KPNA1: variants seen among roughly 807,000 people sequenced by gnomAD.
KPNA1 encodes karyopherin subunit alpha 1, also known as importin subunit alpha-5.
Under a neutral mutation model 70.5 loss-of-function variants are expected in KPNA1, and 10 were observed. The observed-to-expected ratio is 0.14, with a 90% CI of 0.09 to 0.24. The LOEUF is 0.24. Ranked by LOEUF, KPNA1 falls within the 10% of genes least tolerant of loss-of-function variation. The pLI is 1.00. For synonymous variants in KPNA1, 192 were observed against 221.9 expected, an observed-to-expected ratio of 0.87 and a Z score of 1.20; for missense variants, 397 against 637.9, an observed-to-expected ratio of 0.62 and a Z score of 4.07.
rs138305574 is a variant in KPNA1 at position 122,451,993 on chromosome 3, G to C, written c.636C>G (p.Ile212Met). 18 of 1,596,512 alleles carry C rather than the reference G, an allele frequency of 1.1e-5. No homozygotes were observed. In the African/African-American group the frequency reaches 2.4e-4, roughly 21 times the overall value. Residue 212 changes from isoleucine (I) to methionine (M), a missense_variant, in exon 7 of 14, where the codon ATC (isoleucine) becomes ATG (methionine). Transcript: ENST00000344337. Reference sequence around the variant, plus strand: ...AAACTTACTGCAAAAGAGGGGGAAGGATATTGCAGTCTAAGACATAGTCCC... The same window carrying C: ...AAACTTACTGCAAAAGAGGGGGAAGCATATTGCAGTCTAAGACATAGTCCC... ...MCRDYVLDCN[I>M]LPPLLQLFSK...
At chr3:122,452,601 GGAAGGA>G (rs2076218112) in intron 6 of KPNA1, among the ~76,000 whole-genome samples, 4 of 99,574 alleles carry the variant, frequency 4.0e-5, no homozygotes, top group Admixed American at 9.5e-5. Context: ...AAGGAAGGAA[GGAAGGA>G]AGGGAGGGAG....
chr3:122,482,569 T>C (rs1057468232), intron 2 of KPNA1, among the ~76,000 whole-genome samples: 4 of 152,168 alleles, frequency 2.6e-5, no homozygotes, highest in African/African-American at 7.2e-5. Context: ...GAAACTTTTA[T>C]CTGTAGATGA....
chr3:122,499,330 C>T (rs1347883702), intron 1 of KPNA1, among the ~76,000 whole-genome samples: 2 of 152,198 alleles, frequency 1.3e-5, no homozygotes, highest in Admixed American at 1.3e-4. Context: ...TCTGTAAAGG[C>T]ACTTTTATCG....
intron 2 of KPNA1, among the ~76,000 whole-genome samples, chr3:122,471,938 G>T (rs574420245): frequency 6.6e-6 from 1 of 152,328 alleles, no homozygotes; most frequent in East Asian, 1.9e-4. Flanking sequence ...ACAACAAAGT[G>T]TCTGTGTAGG....
At chr3:122,478,211 AGAGGAAATGG>A (rs1220356501) in intron 2 of KPNA1, among the ~76,000 whole-genome samples, 1 of 151,844 alleles carries the variant, frequency 6.6e-6, no homozygotes, top group African/African-American at 2.4e-5. Flanking sequence ...GGGTCCAAAG[AGAGGAAATGG>A]TGCTGGAACA....
intron 2 of KPNA1, among the ~76,000 whole-genome samples, chr3:122,478,431 G>C (rs1026700883): frequency 6.6e-6 from 1 of 152,028 alleles, no homozygotes; most frequent in Non-Finnish European, 1.5e-5. Flanking sequence ...AGACCAGCCT[G>C]ACCAACATGG....
intron 1 of KPNA1, among the ~76,000 whole-genome samples, chr3:122,505,740 C>T (rs1339035038): frequency 6.6e-6 from 1 of 152,176 alleles, no homozygotes; most frequent in African/African-American, 2.4e-5. Flanking sequence ...TCCTTCATGT[C>T]TAGTTACTCA....
At chr3:122,443,307 G>A (rs552803736) in intron 9 of KPNA1, 25 of 152,440 alleles carry the variant, frequency 1.6e-4, no homozygotes, top group African/African-American at 5.1e-4. Context: ...CAGAAAGCTC[G>A]AAATGGGTGG....
rs569838537 is a variant in KPNA1, at chr3:122,424,545, C to T, written c.*2440G>A. 1.6e-4 allele frequency: 24 copies of T among 152,698 alleles called. No homozygotes were observed. The highest frequency in any genetic ancestry group is 5.8e-4 in the African/African-American group (24 of 41,566). The allele number at this position is 152,698 out of a possible 1,614,324, so 9.5% of individuals were successfully genotyped here. A position where few individuals can be genotyped will look rare whatever the true frequency, so the allele number is the denominator to read the frequency against. ...AACTTCTAGGACAAGATAAATTCCT[C>T]TGTTTTAGACACAAAATAGATCACG... is the stretch of plus-strand genomic sequence containing the variant. On this transcript the variant is annotated 3_prime_UTR_variant, in exon 14 of 14. Transcript: ENST00000344337.
intron 4 of KPNA1, among the ~76,000 whole-genome samples, chr3:122,462,140 G>C (rs758004162): frequency 3.3e-5 from 5 of 151,986 alleles, no homozygotes; most frequent in Non-Finnish European, 7.4e-5. Flanking sequence ...AAACAAATTT[G>C]ATGATTACAA....
intron 1 of KPNA1, among the ~76,000 whole-genome samples, chr3:122,498,823 G>C (rs996120196): frequency 2.0e-5 from 3 of 152,154 alleles, no homozygotes; most frequent in African/African-American, 7.2e-5. Flanking sequence ...AGACTGCACT[G>C]TCTGTAGATC....
intron 3 of KPNA1, among the ~76,000 whole-genome samples, chr3:122,466,326 A>G (rs1025666069): frequency 2.6e-5 from 4 of 152,114 alleles, no homozygotes; most frequent in Non-Finnish European, 5.9e-5. Flanking sequence ...TAGTAATACT[A>G]GTTGCCAATG....
At chr3:122,474,153 C>T (rs765306409) in intron 2 of KPNA1, among the ~76,000 whole-genome samples, 18 of 152,116 alleles carry the variant, frequency 1.2e-4, no homozygotes, top group African/African-American at 3.6e-4. Context: ...AAAACATATA[C>T]GAGATTTCTA....
At chr3:122,509,746 T>C (rs990809891) in intron 1 of KPNA1, among the ~76,000 whole-genome samples, 1 of 152,110 alleles carries the variant, frequency 6.6e-6, no homozygotes, top group African/African-American at 2.4e-5. Context: ...AAGATAAAAA[T>C]TTAAAGGACC....
chr3:122,501,513 G>A (rs1234752117), intron 1 of KPNA1, among the ~76,000 whole-genome samples: 2 of 152,030 alleles, frequency 1.3e-5, no homozygotes, highest in Non-Finnish European at 2.9e-5. Context: ...TACACATATT[G>A]GTGAGTTTCT....
At position 122,427,593 on chromosome 3, in the gene KPNA1, G is replaced by C; in HGVS notation, c.1374C>G (p.Ala458=). 6.2e-7 allele frequency: 1 copy of C among 1,613,956 alleles called. No homozygotes were observed. ...ENILRLGEQE[A]KRNGTGINPY... is the part of the protein sequence containing the mutation. Reference sequence around the variant, plus strand: ...GGTTAATGCCAGTGCCATTCCTTTTGGCTTCCTGTTCTCCAAGCCTCAGGA... The same window carrying C: ...GGTTAATGCCAGTGCCATTCCTTTTCGCTTCCTGTTCTCCAAGCCTCAGGA... The change falls in exon 13 of 14, where the codon GCC becomes GCG. Residue 458 remains alanine, a synonymous_variant. Transcript: ENST00000344337.
At chr3:122,502,579 G>C (rs1328775295) in intron 1 of KPNA1, among the ~76,000 whole-genome samples, 1 of 152,186 alleles carries the variant, frequency 6.6e-6, no homozygotes, top group Non-Finnish European at 1.5e-5. Flanking sequence ...ACAGTCTGCA[G>C]TATTTTGTTA....
chr3:122,440,107 T>C (rs1292356039), intron 10 of KPNA1, among the ~76,000 whole-genome samples: 2 of 152,204 alleles, frequency 1.3e-5, no homozygotes, highest in Non-Finnish European at 2.9e-5. Flanking sequence ...TAAGTCCCTA[T>C]ATATTGTGCC....
intron 1 of KPNA1, among the ~76,000 whole-genome samples, chr3:122,513,852 C>T (rs931526103): frequency 3.9e-5 from 6 of 152,182 alleles, no homozygotes; most frequent in Admixed American, 3.9e-4. Flanking sequence ...ACAGTTTGAG[C>T]TCAGGAGTTG....
Sources: allele counts gnomAD v4.1 joint callset (sites outside exome capture counted in the v4.1 genomes callset), GRCh38; gene constraint gnomAD v4.1.1; transcripts MANE v1.5; gene names NCBI Gene and HGNC (gene_info 2026-07-23, HGNC 2026-07-21).